The following KLC1 variants were observed in gnomAD, a reference collection of about 807,000 sequenced individuals.
The protein encoded by KLC1 is kinesin 2 60/70kDa.
Under a neutral mutation model 84.2 loss-of-function variants are expected in KLC1, and 30 were observed. That is an observed-to-expected ratio of 0.36 (90% CI 0.27 to 0.48). The LOEUF is 0.48. Ranked by LOEUF, KLC1 falls within the 20% of genes least tolerant of loss-of-function variation. KLC1 has a pLI of 0.99. For missense variants in KLC1, 499 were observed against 805.4 expected, an observed-to-expected ratio of 0.62 and a Z score of 4.60; for synonymous variants, 289 against 293.3, an observed-to-expected ratio of 0.99 and a Z score of 0.15.
intron 1 of KLC1, among the ~76,000 whole-genome samples, chr14:103,652,949 C>T (rs1036082396): frequency 2.0e-5 from 3 of 152,156 alleles, no homozygotes; most frequent in African/African-American, 7.2e-5. Context: ...CAGAGACTAA[C>T]GTGACCCTAT....
rs551834340 is a variant in KLC1, at chr14:103,687,283, C to T, written c.1781+72C>T. 3 of 1,413,206 alleles carry T rather than the reference C, an allele frequency of 2.1e-6. No individual in the cohort carries two copies. The South Asian group carries it at 3.9e-5, about 18-fold the overall frequency. The allele number at this position is 1,413,206 out of a possible 1,614,324, so 87.5% of individuals were successfully genotyped here. ...GGGCCGCTTCTCTTCCTAGCGCAGC[C>T]TTCCTCACCCACAGACTTGAGGAAA... On this transcript the variant is annotated intron_variant, in intron 14 of 16. Transcript: ENST00000334553.
chr14:103,661,505 C>T (rs144660736), intron 3 of KLC1, among the ~76,000 whole-genome samples: 2 of 152,286 alleles, frequency 1.3e-5, no homozygotes, highest in African/African-American at 4.8e-5. Context: ...TTTTCCCTTC[C>T]GGAGCCAAAC....
At chr14:103,641,084 C>T (rs1016398492) in intron 1 of KLC1, among the ~76,000 whole-genome samples, 3 of 152,128 alleles carry the variant, frequency 2.0e-5, no homozygotes, top group Admixed American at 2.0e-4. Context: ...GCTACTATGC[C>T]TGGCTAATTT....
intron 13 of KLC1, chr14:103,684,893 TC>T (rs2081654889): frequency 2.8e-6 from 2 of 716,784 alleles, no homozygotes; most frequent in Non-Finnish European, 5.2e-6. Context: ...CATTTTAGCA[TC>T]CTTTTTCTCA....
intron 1 of KLC1, among the ~76,000 whole-genome samples, chr14:103,644,920 T>C (rs899539229): frequency 2.0e-5 from 3 of 151,072 alleles, no homozygotes; most frequent in African/African-American, 4.9e-5. Flanking sequence ...ATTTCTTTCT[T>C]TAGTTCTGTT....
intron 1 of KLC1, among the ~76,000 whole-genome samples, chr14:103,640,885 C>T (rs1298689742): frequency 1.3e-5 from 2 of 152,048 alleles, no homozygotes; most frequent in African/African-American, 4.8e-5. Flanking sequence ...ACATTTGTGA[C>T]AACCAAGGAA....
intron 13 of KLC1, among the ~76,000 whole-genome samples, chr14:103,681,985 A>T (rs962244718): frequency 3.3e-5 from 5 of 152,198 alleles, no homozygotes; most frequent in Non-Finnish European, 7.3e-5. Flanking sequence ...GCAAACCGTT[A>T]CCACTGTAGC....
Position 103,694,489 on chromosome 14 carries a change from G to A in KLC1, c.1848+2064G>A. The stretch of plus-strand genomic sequence containing the variant: ...AAAAGCTTAAGCTTTATGGAATGAG[G>A]GAGCACGGTGGACTCTGACAGGAAC... On this transcript the variant is annotated intron_variant, in intron 15 of 16. Coordinates refer to ENST00000334553, the MANE Select transcript of KLC1 (RefSeq NM_001394837.1). This position sits in a 1 kb window ranked among gnomAD's most constrained non-coding sequence, Gnocchi z 4.5. The A allele has an allele frequency of 3.0e-6, 3 of 985,500 alleles. No homozygotes were observed. The African/African-American group carries it at 5.2e-5, about 17-fold the overall frequency. 61.0% of individuals were successfully genotyped at this position (985,500 alleles called of 1,614,324 possible).
chr14:103,631,167 G>A (rs1479899753), intron 1 of KLC1, among the ~76,000 whole-genome samples: 2 of 150,790 alleles, frequency 1.3e-5, no homozygotes, highest in African/African-American at 4.9e-5. Flanking sequence ...TGCAAGCTCC[G>A]CCTCCCGGGT....
intron 13 of KLC1, chr14:103,686,015 C>A (rs8702): frequency 9.3e-7 from 1 of 1,071,954 alleles, no homozygotes; most frequent in African/African-American, 1.7e-5. Flanking sequence ...CTAAGCCTTA[C>A]AGCAAGGCAT....
chr14:103,641,786 T>C (rs956426315), intron 1 of KLC1, among the ~76,000 whole-genome samples: 2 of 152,002 alleles, frequency 1.3e-5, no homozygotes, highest in Admixed American at 1.3e-4. Context: ...AACACCCAGA[T>C]AATTTTTGTA....
chr14:103,677,505 T>C lies in KLC1; in HGVS notation c.1470T>C (p.Ala490=), dbSNP rs2080998137. 2 of 1,613,266 alleles carry C rather than the reference T, an allele frequency of 1.2e-6. No homozygotes were observed. Among genetic ancestry groups the C allele is most frequent in the East Asian group, 2.2e-5 (1 of 44,894 alleles). ...FEAAETLEEA[A]MRSRKQGLDN... ...CTGCAGAAACGTTAGAAGAAGCTGC[T>C]ATGAGGTCTCGTAAACAGGTTAGTC... Residue 490 remains alanine (A), a synonymous_variant, in exon 12 of 17, where the codon GCT becomes GCC. Coordinates refer to ENST00000334553, the MANE Select transcript of KLC1 (RefSeq NM_001394837.1).
At chr14:103,680,122 C>G (rs1448605224) in intron 13 of KLC1, among the ~76,000 whole-genome samples, 3 of 152,168 alleles carry the variant, frequency 2.0e-5, no homozygotes, top group Admixed American at 6.5e-5. Context: ...TGGTTGCCAG[C>G]CCGCCATGTG....
intron 15 of KLC1, chr14:103,695,327 A>ATG (rs1555425976): frequency 5.1e-5 from 24 of 470,998 alleles, no homozygotes; most frequent in East Asian, 1.9e-4. Context: ...ATATATATAT[A>ATG]TGTGTGTGTG....
At chr14:103,636,836 C>T (rs942976569) in intron 1 of KLC1, among the ~76,000 whole-genome samples, 1 of 152,002 alleles carries the variant, frequency 6.6e-6, no homozygotes, top group African/African-American at 2.4e-5. Flanking sequence ...CATTCCCCTG[C>T]CTCAGCCTCT....
In KLC1 at chr14:103,693,645, T is replaced by G; in HGVS notation, c.1848+1220T>G. 6.5e-7 allele frequency: 1 copy of G among 1,534,576 alleles called. No individual in the cohort carries two copies. The highest frequency in any genetic ancestry group is 8.7e-7 in the Non-Finnish European group (1 of 1,146,172). On this transcript the variant is annotated intron_variant, in intron 15 of 16. Coordinates refer to ENST00000334553, the MANE Select transcript of KLC1 (RefSeq NM_001394837.1). The surrounding 1 kb of genome is among the most constrained non-coding windows in gnomAD (Gnocchi z 5.1). ...AGCCAGCAGGGCTAGGTAACCTGTC[T>G]TGGGAGTGTGAGACCGCCCCGCCCT...
Position 103,662,708 on chromosome 14 carries a change from A to G in KLC1, c.578A>G (p.Gln193Arg), listed in dbSNP as rs768352788. ...DEDDPGQGIQQQHSSAAAAAQ... is the reference protein window; with the variant it reads ...DEDDPGQGIQRQHSSAAAAAQ... ...GTGAACTTTCTCGGTGCAGTCCAGC[A>G]GCAGCACAGCAGTGCAGCCGCGGCT... Residue 193 changes from glutamine to arginine, a missense_variant, in exon 5 of 17, where the codon CAG (glutamine) becomes CGG (arginine). By Grantham distance (43) the Gln-to-Arg change is conservative. Around this residue, in one of 3 missense-constraint regions of KLC1, gnomAD observed 179 missense variants for 264.2 expected, o/e 0.68. Transcript: ENST00000334553. 6 of 1,580,302 alleles carry G rather than the reference A, an allele frequency of 3.8e-6. No individual in the cohort carries two copies. The highest frequency in any genetic ancestry group is 5.2e-6 in the Non-Finnish European group (6 of 1,163,988).
At chr14:103,629,561 T>G (rs2076504082) in intron 1 of KLC1, 67 bp downstream of exon 1, 1 of 152,052 alleles carries the variant, frequency 6.6e-6, no homozygotes, top group Admixed American at 6.6e-5. Context: ...CCTGTCCCGC[T>G]CCTCTTCGGA....
intron 5 of KLC1, among the ~76,000 whole-genome samples, chr14:103,666,150 G>A (rs1222809014): frequency 2.0e-5 from 3 of 151,980 alleles, no homozygotes; most frequent in East Asian, 1.9e-4. Flanking sequence ...TGCAAGCTCC[G>A]CCTCCCGGGT....
Sources: gnomAD v4.1 joint callset for allele counts (sites outside exome capture counted in the v4.1 genomes callset) on GRCh38, gnomAD v4.1.1 for gene constraint, gnomAD v4.1.1 regional missense constraint, Gnocchi (gnomAD v3.1) non-coding constraint, MANE v1.5 for transcripts, NCBI Gene and HGNC (gene_info 2026-07-23, HGNC 2026-07-21) for gene names.